FARS2: variants seen among roughly 807,000 people sequenced by gnomAD.
The protein encoded by FARS2 is phenylalanine--tRNA ligase, mitochondrial.
Under a neutral mutation model 46.4 loss-of-function variants are expected in FARS2, and 40 were observed. That is an observed-to-expected ratio of 0.86 (90% CI 0.67 to 1.12). The LOEUF is 1.12. FARS2 is among the 50% of genes most tolerant of loss of function. The pLI, the probability that FARS2 is intolerant of heterozygous loss-of-function variation, is 0.00. For missense variants in FARS2, 513 were observed against 567.9 expected (o/e 0.90, Z 0.98); for synonymous variants, 234 against 214.9 (o/e 1.09, Z -0.78).
chr6:5,602,557 G>T lies in FARS2; in HGVS notation c.1066-10612G>T, dbSNP rs1411068404. 5.1e-5 allele frequency among the ~76,000 whole-genome samples: 7 copies of T among 138,310 alleles called. No individual in the cohort carries two copies. The East Asian group carries it at 1.4e-3, about 28-fold the overall frequency. 90.7% of individuals were successfully genotyped at this position (138,310 alleles called of 152,430 possible). ...AGCTACTTGGGAGGCTGAGGCAGGA[G>T]AATCACTTGGACCCAGGAGGCAGAG... is the stretch of plus-strand genomic sequence containing the variant. On this transcript the variant is annotated intron_variant, in intron 5 of 6. Coordinates refer to ENST00000274680, the MANE Select transcript of FARS2 (RefSeq NM_006567.5).
At chr6:5,516,442 C>T (rs1381555748) in intron 4 of FARS2, among the ~76,000 whole-genome samples, 2 of 152,148 alleles carry the variant, frequency 1.3e-5, no homozygotes, top group Admixed American at 6.5e-5. Context: ...TTTAATTATA[C>T]ATTTTGTTTG....
intron 6 of FARS2, among the ~76,000 whole-genome samples, chr6:5,696,638 C>T (rs780421898): frequency 3.3e-5 from 5 of 151,914 alleles, no homozygotes; most frequent in African/African-American, 4.8e-5. Flanking sequence ...ACATGTAAAC[C>T]TTTGTGCATA....
intron 4 of FARS2, among the ~76,000 whole-genome samples, chr6:5,534,858 C>CGCACACACACACACTTGCACGT (rs1770096978): frequency 1.3e-5 from 2 of 151,216 alleles, no homozygotes; most frequent in East Asian, 3.9e-4. Context: ...CACTTGCACG[C>CGCACACACACACACTTGCACGT]GCACACACAC....
chr6:5,591,770 C>T (rs907439833), intron 5 of FARS2, among the ~76,000 whole-genome samples: 6 of 152,200 alleles, frequency 3.9e-5, no homozygotes, highest in Admixed American at 2.0e-4. Flanking sequence ...ATCATGATTG[C>T]GCTTTGGATT....
chr6:5,566,152 C>T (rs1488166435), intron 5 of FARS2, among the ~76,000 whole-genome samples: 1 of 152,178 alleles, frequency 6.6e-6, no homozygotes, highest in Non-Finnish European at 1.5e-5. Flanking sequence ...TTGTACCATG[C>T]ATGTCATTAC....
At chr6:5,735,667 A>G (rs1582853492) in intron 6 of FARS2, among the ~76,000 whole-genome samples, 1 of 152,226 alleles carries the variant, frequency 6.6e-6, no homozygotes, top group South Asian at 2.1e-4. Flanking sequence ...CTAATAAAAC[A>G]GTATGAAGTC....
chr6:5,626,155 G>C (rs1045542175), intron 6 of FARS2, among the ~76,000 whole-genome samples: 1 of 152,062 alleles, frequency 6.6e-6, no homozygotes, highest in Non-Finnish European at 1.5e-5. Context: ...GGCCTGGTAC[G>C]AATGAGGGAA....
At chr6:5,691,989 G>A (rs190991540) in intron 6 of FARS2, among the ~76,000 whole-genome samples, 1 of 152,232 alleles carries the variant, frequency 6.6e-6, no homozygotes, top group Non-Finnish European at 1.5e-5. Context: ...CTCCGAGCCA[G>A]GCGCGGGATA....
intron 1 of FARS2, among the ~76,000 whole-genome samples, chr6:5,262,714 G>A (rs2127799374): frequency 6.6e-6 from 1 of 152,326 alleles, no homozygotes; most frequent in African/African-American, 2.4e-5. Flanking sequence ...AAAAGGCACT[G>A]AAGAGAAAAT....
chr6:5,739,323 C>A (rs371338935), intron 6 of FARS2, among the ~76,000 whole-genome samples: 1 of 112,812 alleles, frequency 8.9e-6, no homozygotes, highest in Non-Finnish European at 1.8e-5. Context: ...TAGTGAGACC[C>A]CCGTCTCTAA....
chr6:5,380,139 T>C (rs1234860358), intron 2 of FARS2, among the ~76,000 whole-genome samples: 1 of 152,208 alleles, frequency 6.6e-6, no homozygotes, highest in African/African-American at 2.4e-5. Context: ...TCTCTAGTTA[T>C]TCGATCTTAG....
chr6:5,355,368 C>CTTTT (rs200590190), intron 1 of FARS2, among the ~76,000 whole-genome samples: 10 of 142,470 alleles, frequency 7.0e-5, no homozygotes, highest in Non-Finnish European at 1.4e-4. Context: ...TTAGGTTTTC[C>CTTTT]TTTTTGTTTT....
intron 5 of FARS2, among the ~76,000 whole-genome samples, chr6:5,580,579 C>T (rs1773274782): frequency 6.6e-6 from 1 of 152,166 alleles, no homozygotes; most frequent in African/African-American, 2.4e-5. Context: ...CCACATTTGC[C>T]TCAGTTTCTC....
chr6:5,357,351 G>A (rs1263740751), intron 1 of FARS2, among the ~76,000 whole-genome samples: 1 of 152,170 alleles, frequency 6.6e-6, no homozygotes, highest in Non-Finnish European at 1.5e-5. Flanking sequence ...TCCTTTTAAG[G>A]ATAGACATAT....
chr6:5,308,149 C>T (rs2127543631), intron 1 of FARS2, among the ~76,000 whole-genome samples: 2 of 151,896 alleles, frequency 1.3e-5, no homozygotes, highest in East Asian at 1.9e-4. Flanking sequence ...GAGAGAATGC[C>T]ACATGCAAAG....
intron 5 of FARS2, among the ~76,000 whole-genome samples, chr6:5,596,908 G>A (rs1214300316): frequency 6.6e-6 from 1 of 152,222 alleles, no homozygotes; most frequent in Admixed American, 6.5e-5. Context: ...GTTAAATCCA[G>A]CATGTCTCAG....
rs567553419 is a variant in FARS2, at chr6:5,346,916, T to G, written c.-21-21634T>G. Reference sequence around the variant, plus strand: ...TTAGTTATACCATTCATTAGGTTTTTTTTTTTTTTTTAATTGAGATGGAGC... The same window carrying G: ...TTAGTTATACCATTCATTAGGTTTTGTTTTTTTTTTTAATTGAGATGGAGC... On this transcript the variant is annotated intron_variant, in intron 1 of 6. Coordinates refer to ENST00000274680, the MANE Select transcript of FARS2 (RefSeq NM_006567.5). Among the ~76,000 whole-genome samples the G allele has an allele frequency of 8.9e-4, 136 of 152,058 alleles. 1 individual carries two copies. The highest frequency in any genetic ancestry group is 3.2e-3 in the African/African-American group (132 of 41,472).
intron 1 of FARS2, among the ~76,000 whole-genome samples, chr6:5,284,629 G>A (rs537731540): frequency 5.9e-5 from 9 of 152,182 alleles, no homozygotes; most frequent in Non-Finnish European, 7.4e-5. Context: ...ATCACCAGTC[G>A]CCTTCTGGTG....
chr6:5,547,867 C>T (rs1185942139), intron 5 of FARS2, among the ~76,000 whole-genome samples: 1 of 152,242 alleles, frequency 6.6e-6, no homozygotes. Context: ...CCTAGAAGGG[C>T]TCATCTCTCT....
Sources: gnomAD v4.1 joint callset for allele counts (sites outside exome capture counted in the v4.1 genomes callset) on GRCh38, gnomAD v4.1.1 for gene constraint, MANE v1.5 for transcripts, NCBI Gene and HGNC (gene_info 2026-07-23, HGNC 2026-07-21) for gene names.